The following PPP2R1A variants were observed in gnomAD, a reference collection of about 807,000 sequenced individuals.
PPP2R1A encodes the protein serine/threonine-protein phosphatase 2A 65 kDa regulatory subunit A alpha isoform.
Under a neutral mutation model 67.1 loss-of-function variants are expected in PPP2R1A, and 15 were observed. The observed-to-expected ratio is 0.22, with a 90% CI of 0.15 to 0.34. The LOEUF is 0.34. PPP2R1A is among the 10% of genes least tolerant of loss of function. The pLI is 1.00. For synonymous variants in PPP2R1A, 337 were observed against 325.0 expected (o/e 1.04, Z -0.40); for missense variants, 369 against 775.0 (o/e 0.48, Z 6.22).
chr19:52,221,936 G>T, intron 12 of PPP2R1A, 163 bp from the exon 13 acceptor site: 4 of 621,704 alleles, frequency 6.4e-6, no homozygotes, highest in Non-Finnish European at 1.1e-5. Context: ...GTGTTAGGAT[G>T]GTGTTAGTGG....
At chr19:52,196,000 A>G (rs146831124) in intron 1 of PPP2R1A, among the ~76,000 whole-genome samples, 2 of 152,198 alleles carry the variant, frequency 1.3e-5, no homozygotes, top group African/African-American at 4.8e-5. Flanking sequence ...TTCCATGACT[A>G]TCTTTCCAGT....
chr19:52,215,927 G>T (rs369870144), intron 7 of PPP2R1A, 34 bp downstream of exon 7: 4 of 1,612,004 alleles, frequency 2.5e-6, no homozygotes, highest in African/African-American at 1.3e-5. Flanking sequence ...AGCAAGTGGG[G>T]TGGGTATCCA....
In PPP2R1A at chr19:52,190,135, C is replaced by T. The variant is rs201882921; in HGVS notation, c.39C>T (p.Ile13=). 7 of 1,550,742 alleles carry T rather than the reference C, an allele frequency of 4.5e-6. No homozygotes were observed. The East Asian group carries it at 1.5e-4, about 33-fold the overall frequency. Reference sequence around the variant, plus strand: ...ACGGCGACGACTCGCTGTACCCCATCGCGGTGCTCATAGACGAACTCCGCA... The same window carrying T: ...ACGGCGACGACTCGCTGTACCCCATTGCGGTGCTCATAGACGAACTCCGCA... ...AADGDDSLYP[I]AVLIDELRNE... is the part of the protein sequence containing the mutation. Residue 13 remains isoleucine (I), a synonymous_variant, in exon 1 of 15, where the codon ATC becomes ATT. Transcript: ENST00000322088.
At chr19:52,198,051 C>T (rs527383889) in intron 1 of PPP2R1A, among the ~76,000 whole-genome samples, 1 of 152,276 alleles carries the variant, frequency 6.6e-6, no homozygotes, top group East Asian at 1.9e-4. Context: ...CCACGGCTGC[C>T]ATTATTAATC....
chr19:52,202,746 GGT>G (rs970883045), intron 2 of PPP2R1A, among the ~76,000 whole-genome samples: 1 of 152,200 alleles, frequency 6.6e-6, no homozygotes, highest in African/African-American at 2.4e-5. Context: ...CCACTTTCTA[GGT>G]GTGTGACTTT....
Position 52,211,020 on chromosome 19 carries a change from A to G in PPP2R1A, c.271-240A>G, listed in dbSNP as rs1403941087. On this transcript the variant is annotated intron_variant, in intron 3 of 14. Coordinates refer to ENST00000322088, the MANE Select transcript of PPP2R1A (RefSeq NM_014225.6). The surrounding 1 kb of genome is among the most constrained non-coding windows in gnomAD (Gnocchi z 5.3). Reference sequence around the variant, plus strand: ...CAGTGAAACTCCTTCAAGGACCCCTAAATAAGAACCTTTGTGGAAGGCACG... The same window carrying G: ...CAGTGAAACTCCTTCAAGGACCCCTGAATAAGAACCTTTGTGGAAGGCACG... 6.6e-6 allele frequency among the ~76,000 whole-genome samples: 1 copy of G among 152,210 alleles called. No individual in the cohort carries two copies. Among genetic ancestry groups the G allele is most frequent in the Admixed American group, 6.5e-5 (1 of 15,274 alleles).
chr19:52,198,684 G>A lies in PPP2R1A; in HGVS notation c.79-3260G>A, dbSNP rs183673181. Among the ~76,000 whole-genome samples, 117 of 152,282 alleles carry A rather than the reference G, an allele frequency of 7.7e-4. No individual in the cohort carries two copies. The Middle Eastern group carries it at 0.014, about 18-fold the overall frequency. On this transcript the variant is annotated intron_variant, in intron 1 of 14. Coordinates refer to ENST00000322088, the MANE Select transcript of PPP2R1A (RefSeq NM_014225.6). ...CCTTTCCTCTTTGGTTTTTATGGAA[G>A]CTTCATGATACAAACATTTTTGCCT...
intron 13 of PPP2R1A, among the ~76,000 whole-genome samples, chr19:52,224,085 G>A (rs1979108022): frequency 2.0e-5 from 3 of 152,314 alleles, no homozygotes; most frequent in African/African-American, 2.4e-5. Context: ...ACCATGTTGA[G>A]TGAGGAGCCA....
At chr19:52,195,113 C>T (rs1034086426) in intron 1 of PPP2R1A, among the ~76,000 whole-genome samples, 1 of 152,174 alleles carries the variant, frequency 6.6e-6, no homozygotes, top group Admixed American at 6.5e-5. Context: ...ATACCATATA[C>T]ATTCATATTA....
intron 1 of PPP2R1A, among the ~76,000 whole-genome samples, chr19:52,194,539 G>A (rs1215543009): frequency 6.6e-6 from 1 of 152,090 alleles, no homozygotes; most frequent in Non-Finnish European, 1.5e-5. Flanking sequence ...CTGTTGAGGT[G>A]CCATTACAAA....
chr19:52,206,877 C>T (rs1321616604), intron 3 of PPP2R1A, among the ~76,000 whole-genome samples: 2 of 152,296 alleles, frequency 1.3e-5, no homozygotes, highest in African/African-American at 2.4e-5. Flanking sequence ...CCCACTCCCC[C>T]AGTGATTGTG....
Position 52,219,917 on chromosome 19 carries a change from A to G in PPP2R1A, c.1302+53A>G. The G allele has an allele frequency of 8.9e-6, 14 of 1,566,426 alleles. No homozygotes were observed. Among genetic ancestry groups the G allele is most frequent in the Non-Finnish European group, 1.2e-5 (14 of 1,156,924 alleles). On this transcript the variant is annotated intron_variant, in intron 10 of 14. Coordinates refer to ENST00000322088, the MANE Select transcript of PPP2R1A (RefSeq NM_014225.6). The surrounding 1 kb of genome is among the most constrained non-coding windows in gnomAD (Gnocchi z 4.0). ...AGTGCTGCCTCAGGGGAGGTGCAGT[A>G]TGTCCAGGGCTGTGATGGGGAAACG...
chr19:52,226,105 C>G lies in PPP2R1A; in HGVS notation c.*124C>G. On this transcript the variant is annotated 3_prime_UTR_variant, in exon 15 of 15. Coordinates refer to ENST00000322088, the MANE Select transcript of PPP2R1A (RefSeq NM_014225.6). The stretch of plus-strand genomic sequence containing the variant: ...CTGTGCATGGTCTGACCCCAGGCCC[C>G]TTCCCCCAGCACGGTTCCTCCTCTC... 1 of 1,448,910 alleles carries G rather than the reference C, an allele frequency of 6.9e-7. No homozygotes were observed. Among genetic ancestry groups the G allele is most frequent in the Non-Finnish European group, 9.6e-7 (1 of 1,041,026 alleles). 89.8% of individuals were successfully genotyped at this position (1,448,910 alleles called of 1,614,324 possible). A position where few individuals can be genotyped will look rare whatever the true frequency, so the allele number is the denominator to read the frequency against.
chr19:52,216,758 T>G lies in PPP2R1A; in HGVS notation c.1128+95T>G. Reference sequence around the variant, plus strand: ...TTACCTAGATTGACCAGGAATCTGCTGATATCTCAACAGACATCCAGATCT... The same window carrying G: ...TTACCTAGATTGACCAGGAATCTGCGGATATCTCAACAGACATCCAGATCT... On this transcript the variant is annotated intron_variant, in intron 9 of 14. Coordinates refer to ENST00000322088, the MANE Select transcript of PPP2R1A (RefSeq NM_014225.6). This position sits in a 1 kb window ranked among gnomAD's most constrained non-coding sequence, Gnocchi z 4.3. 1 of 1,557,814 alleles carries G rather than the reference T, an allele frequency of 6.4e-7. No homozygotes were observed. The highest frequency in any genetic ancestry group is 8.8e-7 in the Non-Finnish European group (1 of 1,137,736).
At chr19:52,201,555 C>T (rs2089549366) in intron 1 of PPP2R1A, 2 of 182,300 alleles carry the variant, frequency 1.1e-5, no homozygotes, top group Admixed American at 5.4e-5. Flanking sequence ...ACAGAGGAAG[C>T]GTGTTATAAA....
intron 14 of PPP2R1A, 54 bp from the exon 15 acceptor site, chr19:52,225,911 T>C: frequency 1.2e-6 from 2 of 1,614,048 alleles, no homozygotes; most frequent in Non-Finnish European, 1.7e-6. Flanking sequence ...ACCTTGGCAT[T>C]GTGGGCAGAG....
At chr19:52,207,922 T>C (rs1183744461) in intron 3 of PPP2R1A, among the ~76,000 whole-genome samples, 8 of 151,786 alleles carry the variant, frequency 5.3e-5, no homozygotes, top group Admixed American at 2.0e-4. Flanking sequence ...CCTGCTTAGG[T>C]GGGATGGGAA....
At chr19:52,193,650 A>G (rs938321136) in intron 1 of PPP2R1A, among the ~76,000 whole-genome samples, 2 of 151,406 alleles carry the variant, frequency 1.3e-5, no homozygotes, top group African/African-American at 4.9e-5. Flanking sequence ...GCTCATTGCA[A>G]CCTCCGCCTC....
At chr19:52,193,592 T>C (rs2089472569) in intron 1 of PPP2R1A, among the ~76,000 whole-genome samples, 1 of 152,116 alleles carries the variant, frequency 6.6e-6, no homozygotes. Context: ...TTTATTTTAT[T>C]TTATTTTTTT....
Sources: allele counts gnomAD v4.1 joint callset (sites outside exome capture counted in the v4.1 genomes callset), GRCh38; gene constraint gnomAD v4.1.1; non-coding constraint Gnocchi (gnomAD v3.1); transcripts MANE v1.5; gene names NCBI Gene and HGNC (gene_info 2026-07-23, HGNC 2026-07-21).